Variants in EPB41L2 observed in about 807,000 individuals in gnomAD.
The protein encoded by EPB41L2 is band 4.1-like protein 2.
A neutral mutation model predicts 113.0 loss-of-function variants in EPB41L2; 43 were observed. The observed-to-expected ratio is 0.38, with a 90% confidence interval of 0.30 to 0.49. The LOEUF (loss-of-function observed/expected upper bound fraction) is 0.49, where lower values mean the gene tolerates loss of function less well. Ranked by LOEUF, EPB41L2 falls within the 20% of genes least tolerant of loss-of-function variation. EPB41L2 has a pLI of 0.95. For missense variants in EPB41L2, 1,147 were observed against 1,223.4 expected (o/e 0.94, Z 0.93); for synonymous variants, 442 against 436.7 (o/e 1.01, Z -0.15).
At chr6:130,937,345 G>A (rs1166697875) in intron 3 of EPB41L2, among the ~76,000 whole-genome samples, 1 of 152,072 alleles carries the variant, frequency 6.6e-6, no homozygotes, top group East Asian at 1.9e-4. Context: ...CAGCAAAGAG[G>A]ATCCCTGTCC....
intron 1 of EPB41L2, among the ~76,000 whole-genome samples, chr6:130,961,168 T>C (rs749251615): frequency 6.6e-6 from 1 of 152,212 alleles, no homozygotes; most frequent in Non-Finnish European, 1.5e-5. Flanking sequence ...AAATCCATCA[T>C]TAGTATAGTT....
intron 1 of EPB41L2, among the ~76,000 whole-genome samples, chr6:131,029,938 C>A (rs1264131970): frequency 6.6e-6 from 1 of 150,564 alleles, no homozygotes; most frequent in Non-Finnish European, 1.5e-5. Flanking sequence ...CCAGCCTGCA[C>A]AATTGGATTG....
intron 1 of EPB41L2, among the ~76,000 whole-genome samples, chr6:130,967,385 C>T (rs66773803): frequency 0.17 from 26,393 of 152,068 alleles, 2,851 homozygotes; most frequent in African/African-American, 0.28. Context: ...GAAAACGTTG[C>T]TTGTTTTTTA....
intron 11 of EPB41L2, among the ~76,000 whole-genome samples, chr6:130,888,719 A>G (rs947901919): frequency 4.6e-5 from 7 of 152,180 alleles, no homozygotes; most frequent in Admixed American, 2.0e-4. Flanking sequence ...GGGTTGGCAC[A>G]TTTTTCAGAT....
intron 10 of EPB41L2, among the ~76,000 whole-genome samples, chr6:130,891,520 C>A (rs1792881021): frequency 6.6e-6 from 1 of 152,150 alleles, no homozygotes; most frequent in Admixed American, 6.5e-5. Context: ...GCAATCTCGG[C>A]TCACTGCAAC....
intron 17 of EPB41L2, among the ~76,000 whole-genome samples, chr6:130,865,312 C>T (rs780176264): frequency 6.6e-6 from 1 of 152,028 alleles, no homozygotes; most frequent in Non-Finnish European, 1.5e-5. Context: ...TATAGCTATT[C>T]GTAACATATT....
chr6:130,912,383 A>T (rs1377842818), intron 4 of EPB41L2, among the ~76,000 whole-genome samples: 1 of 152,246 alleles, frequency 6.6e-6, no homozygotes, highest in Non-Finnish European at 1.5e-5. Context: ...ACTATTAAAA[A>T]GTAAAACAGT....
chr6:130,913,172 G>A (rs1231997430), intron 4 of EPB41L2, among the ~76,000 whole-genome samples: 1 of 152,208 alleles, frequency 6.6e-6, no homozygotes, highest in Admixed American at 6.5e-5. Flanking sequence ...GGCATGGTAA[G>A]AGTCAGCTCT....
chr6:130,872,619 G>T (rs1562354511), intron 14 of EPB41L2: 1 of 963,232 alleles, frequency 1.0e-6, no homozygotes, highest in Non-Finnish European at 1.4e-6. Context: ...AGAAAGGAAA[G>T]GTTACACAAG....
intron 1 of EPB41L2, among the ~76,000 whole-genome samples, chr6:131,024,354 G>A (rs1262737237): frequency 1.1e-4 from 17 of 152,118 alleles, no homozygotes; most frequent in Admixed American, 1.1e-3. Context: ...AGAGCTGCCA[G>A]GAAAGAGGTG....
At chr6:131,001,247 C>G (rs1784307424) in intron 1 of EPB41L2, among the ~76,000 whole-genome samples, 2 of 152,034 alleles carry the variant, frequency 1.3e-5, no homozygotes, top group East Asian at 1.9e-4. Flanking sequence ...CCATGGTGAA[C>G]AAGTTGAGGG....
At chr6:130,927,573 A>T (rs1805189519) in intron 3 of EPB41L2, among the ~76,000 whole-genome samples, 1 of 152,194 alleles carries the variant, frequency 6.6e-6, no homozygotes, top group South Asian at 2.1e-4. Flanking sequence ...AGAAAAAGCC[A>T]TCAGACTTTT....
chr6:130,935,444 A>G lies in EPB41L2; in HGVS notation c.706-8735T>C, dbSNP rs938136477. ...TCTGCTGGGTTTTGAAATATTTCAG[A>G]ATTCTTAACTGAGCATATAATTAAT... is the stretch of plus-strand genomic sequence containing the variant. On this transcript the variant is annotated intron_variant, in intron 3 of 19. Coordinates refer to ENST00000337057, the MANE Select transcript of EPB41L2 (RefSeq NM_001431.4). 2.6e-5 allele frequency among the ~76,000 whole-genome samples: 4 copies of G among 152,290 alleles called. No homozygotes were observed. The South Asian group carries it at 8.3e-4, about 32-fold the overall frequency.
chr6:130,873,429 A>G (rs1786407825), intron 14 of EPB41L2, among the ~76,000 whole-genome samples: 1 of 151,426 alleles, frequency 6.6e-6, no homozygotes, highest in Non-Finnish European at 1.5e-5. Context: ...TCATGTCAGA[A>G]GTGTGAGAAT....
At chr6:130,983,609 GC>G (rs1420651244) in intron 1 of EPB41L2, among the ~76,000 whole-genome samples, 1 of 150,794 alleles carries the variant, frequency 6.6e-6, no homozygotes. Context: ...GCTCACTGCA[GC>G]CTCAACTTCC....
intron 3 of EPB41L2, among the ~76,000 whole-genome samples, chr6:130,932,397 T>A (rs1489623607): frequency 6.6e-6 from 1 of 151,750 alleles, no homozygotes; most frequent in African/African-American, 2.4e-5. Context: ...CCAAGCAAAA[T>A]ATACACATAA....
chr6:130,900,801 A>C (rs1159164438), intron 7 of EPB41L2, among the ~76,000 whole-genome samples, 161 bp downstream of exon 7: 1 of 152,238 alleles, frequency 6.6e-6, no homozygotes, highest in Non-Finnish European at 1.5e-5. Flanking sequence ...TAATGAAAGG[A>C]TACCTCAAGG....
At position 131,056,667 on chromosome 6, in the gene EPB41L2, G is replaced by A. The variant is rs576695452; in HGVS notation, c.-15+6488C>T. Among the ~76,000 whole-genome samples, 5 of 152,222 alleles carry A rather than the reference G, an allele frequency of 3.3e-5. No homozygotes were observed. The South Asian group carries it at 8.3e-4, about 25-fold the overall frequency. On this transcript the variant is annotated intron_variant, in intron 1 of 19. Transcript: ENST00000337057. ...ACCTAACAATTTTTACAGATGCCAG[G>A]CACTCTATGAAGCATTTTATAAGCA...
chr6:130,897,575 G>A (rs1290536710), intron 8 of EPB41L2, among the ~76,000 whole-genome samples: 1 of 152,194 alleles, frequency 6.6e-6, no homozygotes, highest in African/African-American at 2.4e-5. Context: ...AATCAACAAA[G>A]TAGAGATGCA....
Sources: allele counts gnomAD v4.1 joint callset (sites outside exome capture counted in the v4.1 genomes callset), GRCh38; gene constraint gnomAD v4.1.1; transcripts MANE v1.5; gene names NCBI Gene and HGNC (gene_info 2026-07-23, HGNC 2026-07-21).